The following ANAPC10 variants were observed in gnomAD, a reference collection of about 807,000 sequenced individuals.
ANAPC10 encodes the protein anaphase promoting complex subunit 10, also known as anaphase-promoting complex subunit 10.
Under a neutral mutation model 22.0 loss-of-function variants are expected in ANAPC10, and 12 were observed. The ratio of observed to expected loss-of-function variants is 0.55; its 90% CI spans 0.35 to 0.88. The LOEUF is 0.88. Among genes scored for constraint, ANAPC10 ranks in the 40% least tolerant of loss-of-function variants. The pLI is 0.01. For missense variants in ANAPC10, 188 were observed against 220.9 expected (o/e 0.85, Z 0.94); for synonymous variants, 65 against 69.5 (o/e 0.94, Z 0.32).
At chr4:145,012,174 G>A (rs950176443) in intron 4 of ANAPC10, among the ~76,000 whole-genome samples, 8 of 133,464 alleles carry the variant, frequency 6.0e-5, no homozygotes, top group East Asian at 2.2e-4. Context: ...ATGTGTGTGT[G>A]TGTATATATA....
intron 4 of ANAPC10, among the ~76,000 whole-genome samples, chr4:145,010,970 A>T (rs1206812073): frequency 1.3e-5 from 2 of 152,152 alleles, no homozygotes; most frequent in Non-Finnish European, 2.9e-5. Context: ...AAGGCACGGC[A>T]AGACAGAAAG....
chr4:145,016,066 G>C (rs1347375947), intron 4 of ANAPC10, among the ~76,000 whole-genome samples: 2 of 152,112 alleles, frequency 1.3e-5, no homozygotes, highest in African/African-American at 4.8e-5. Flanking sequence ...GCACGAGACA[G>C]GGATGCCCTC....
chr4:145,086,842 T>A (rs1746973441), intron 2 of ANAPC10, among the ~76,000 whole-genome samples: 1 of 149,772 alleles, frequency 6.7e-6, no homozygotes, highest in South Asian at 2.1e-4. Context: ...GGTAAAAGCA[T>A]CCCCTGGTGA....
intron 4 of ANAPC10, among the ~76,000 whole-genome samples, chr4:145,014,020 C>T (rs1734738022): frequency 6.6e-6 from 1 of 152,102 alleles, no homozygotes; most frequent in Non-Finnish European, 1.5e-5. Flanking sequence ...GAAAATGCCA[C>T]AGGGAGAAGG....
chr4:145,053,732 C>T (rs1440579093), intron 4 of ANAPC10: 1 of 638,776 alleles, frequency 1.6e-6, no homozygotes, highest in Admixed American at 2.5e-5. Context: ...TTCCTTTATC[C>T]TGAGACTTGA....
At chr4:145,092,821 T>C (rs903211267) in intron 2 of ANAPC10, among the ~76,000 whole-genome samples, 2 of 152,194 alleles carry the variant, frequency 1.3e-5, no homozygotes, top group Admixed American at 1.3e-4. Context: ...GAATCAACCC[T>C]GTTGACCCCA....
intron 4 of ANAPC10, among the ~76,000 whole-genome samples, chr4:145,001,016 C>T (rs1231783817): frequency 6.6e-6 from 1 of 150,608 alleles, no homozygotes. Flanking sequence ...GACACAGGGC[C>T]CACCCCGGGG....
chr4:145,002,434 A>C, intron 4 of ANAPC10, among the ~76,000 whole-genome samples: 1 of 151,838 alleles, frequency 6.6e-6, no homozygotes, highest in Non-Finnish European at 1.5e-5. Flanking sequence ...CCCCTGCTAA[A>C]CATGGTCAAA....
rs756756092 is a variant in ANAPC10 at position 145,055,269 on chromosome 4, A to G, written c.327+9303T>C. On this transcript the variant is annotated intron_variant, in intron 4 of 4. Transcript: ENST00000507656. ...TGCTGAATATTCTTTGGTCTTTAAAAAAAAGGAGGCCAGTGAGGTAGCTCA... is the reference window on the plus strand; with the variant it reads ...TGCTGAATATTCTTTGGTCTTTAAAGAAAAGGAGGCCAGTGAGGTAGCTCA... 1.8e-4 allele frequency among the ~76,000 whole-genome samples: 27 copies of G among 152,194 alleles called. 1 individual carries two copies. The South Asian group carries it at 2.5e-3, about 14-fold the overall frequency.
At chr4:145,067,029 C>A (rs1004591204) in intron 3 of ANAPC10, among the ~76,000 whole-genome samples, 1 of 142,848 alleles carries the variant, frequency 7.0e-6, no homozygotes. Context: ...CCACAGAAAT[C>A]GTACGTATAA....
At chr4:145,063,286 A>G (rs746751654) in intron 4 of ANAPC10, among the ~76,000 whole-genome samples, 1 of 152,146 alleles carries the variant, frequency 6.6e-6, no homozygotes, top group Non-Finnish European at 1.5e-5. Flanking sequence ...ATATTTAATA[A>G]TTTTTTTAAA....
chr4:145,058,653 C>T (rs6848379), intron 4 of ANAPC10, among the ~76,000 whole-genome samples: 151,884 of 152,260 alleles, frequency 1, 75,757 homozygotes, highest in East Asian at 1. Context: ...AAATAATCTA[C>T]AGTATAAGTT....
At chr4:145,079,788 T>C (rs1236817050) in intron 3 of ANAPC10, among the ~76,000 whole-genome samples, 1 of 152,018 alleles carries the variant, frequency 6.6e-6, no homozygotes, top group Non-Finnish European at 1.5e-5. Flanking sequence ...AAACCAAATA[T>C]TGCATGTTCT....
At chr4:145,016,323 A>G (rs192139109) in intron 4 of ANAPC10, among the ~76,000 whole-genome samples, 48 of 152,306 alleles carry the variant, frequency 3.2e-4, no homozygotes, top group Non-Finnish European at 5.3e-4. Flanking sequence ...TTATACACCA[A>G]TAACAAACAA....
At chr4:145,051,828 AATATTAT>A (rs1299816672) in intron 4 of ANAPC10, among the ~76,000 whole-genome samples, 1 of 152,212 alleles carries the variant, frequency 6.6e-6, no homozygotes, top group Non-Finnish European at 1.5e-5. Context: ...GACTTTGAAG[AATATTAT>A]AATTTTCCTG....
chr4:145,029,632 G>C (rs1239998679), intron 4 of ANAPC10, among the ~76,000 whole-genome samples: 1 of 152,126 alleles, frequency 6.6e-6, no homozygotes, highest in Non-Finnish European at 1.5e-5. Context: ...TGCAGCTCAA[G>C]GAGTTAAAAA....
At chr4:145,006,269 C>A (rs1223043249) in intron 4 of ANAPC10, among the ~76,000 whole-genome samples, 1 of 151,952 alleles carries the variant, frequency 6.6e-6, no homozygotes, top group Non-Finnish European at 1.5e-5. Flanking sequence ...ATTATAGCAA[C>A]CCAGACTTTT....
chr4:145,052,883 G>C (rs541869463), intron 4 of ANAPC10, among the ~76,000 whole-genome samples: 2 of 128,060 alleles, frequency 1.6e-5, no homozygotes, highest in Admixed American at 1.7e-4. Context: ...GCGAGACTCT[G>C]TCTCAAAAAA....
chr4:145,045,716 C>A (rs1441778052), intron 4 of ANAPC10, among the ~76,000 whole-genome samples: 1 of 152,038 alleles, frequency 6.6e-6, no homozygotes, highest in Non-Finnish European at 1.5e-5. Context: ...TGTTCACATA[C>A]ACACATACTC....
Sources: allele counts gnomAD v4.1 joint callset (sites outside exome capture counted in the v4.1 genomes callset), GRCh38; gene constraint gnomAD v4.1.1; transcripts MANE v1.5; gene names NCBI Gene and HGNC (gene_info 2026-07-23, HGNC 2026-07-21).